The following RELN variants were observed in gnomAD, a reference collection of about 807,000 sequenced individuals.
RELN encodes reelin.
Under a neutral mutation model 427.6 loss-of-function variants are expected in RELN, and 108 were observed. The ratio of observed to expected loss-of-function variants is 0.25; its 90% CI spans 0.22 to 0.30. The LOEUF (loss-of-function observed/expected upper bound fraction) is 0.30. RELN is among the 10% of genes least tolerant of loss of function. RELN has a pLI of 1.00. For missense variants in RELN, 3,715 were observed against 4,302.8 expected, an observed-to-expected ratio of 0.86 and a Z score of 3.82; for synonymous variants, 1,524 against 1,513.4, an observed-to-expected ratio of 1.01 and a Z score of -0.16.
chr7:103,672,849 C>T (rs1294391915), intron 11 of RELN, among the ~76,000 whole-genome samples: 2 of 152,022 alleles, frequency 1.3e-5, no homozygotes, highest in Non-Finnish European at 2.9e-5. Context: ...TATTATGTGC[C>T]ATGCTTTATG....
rs1584300778 is a variant in RELN, at chr7:103,565,559, A to AC, written c.4937-9_4937-8insG. On this transcript the variant is annotated splice_polypyrimidine_tract_variant and intron_variant, in intron 33 of 64. Transcript: ENST00000428762. ...CAGCATAACGAGGTTTTCCTGAAAA[A>AC]AAAAAATGTGTAATGGTAGCATATA... 5 of 1,612,460 alleles carry AC rather than the reference A, an allele frequency of 3.1e-6. No homozygotes were observed. In the East Asian group the frequency reaches 1.1e-4, roughly 36 times the overall value.
At chr7:103,533,087 G>A (rs777561083) in intron 46 of RELN, among the ~76,000 whole-genome samples, 20 of 152,180 alleles carry the variant, frequency 1.3e-4, no homozygotes, top group Admixed American at 3.9e-4. Flanking sequence ...ATGGTTTGAC[G>A]TCAATTTGTG....
chr7:103,947,993 A>G (rs1473856989), intron 1 of RELN, among the ~76,000 whole-genome samples: 1 of 152,220 alleles, frequency 6.6e-6, no homozygotes, highest in Non-Finnish European at 1.5e-5. Flanking sequence ...TACAACAAAG[A>G]AAAAGGTATA....
intron 27 of RELN, among the ~76,000 whole-genome samples, chr7:103,592,004 C>T (rs1404992536): frequency 6.6e-6 from 1 of 152,090 alleles, no homozygotes; most frequent in Non-Finnish European, 1.5e-5. Context: ...CACAGCTAAA[C>T]AAATTGAGAG....
At chr7:103,482,670 G>T in intron 63 of RELN, 1 of 643,754 alleles carries the variant, frequency 1.6e-6, no homozygotes, top group Non-Finnish European at 1.9e-6. Flanking sequence ...AGTTTTCTAA[G>T]GTACATTACA....
intron 8 of RELN, among the ~76,000 whole-genome samples, chr7:103,720,292 T>G (rs939505402): frequency 1.3e-5 from 2 of 151,988 alleles, no homozygotes; most frequent in African/African-American, 4.8e-5. Context: ...AATTTTTGTA[T>G]GAGGAACTTG....
intron 4 of RELN, among the ~76,000 whole-genome samples, chr7:103,763,113 A>C (rs1442281367): frequency 2.6e-5 from 4 of 152,328 alleles, no homozygotes; most frequent in African/African-American, 7.2e-5. Flanking sequence ...GACAGTGAGC[A>C]ATAAAGCAAA....
chr7:103,836,867 T>A (rs1793422877), intron 2 of RELN, among the ~76,000 whole-genome samples: 1 of 152,174 alleles, frequency 6.6e-6, no homozygotes, highest in South Asian at 2.1e-4. Flanking sequence ...TTTCTTTACT[T>A]CTTAAGCTCC....
chr7:103,711,013 C>G (rs2115847006), intron 8 of RELN, among the ~76,000 whole-genome samples: 1 of 152,278 alleles, frequency 6.6e-6, no homozygotes, highest in African/African-American at 2.4e-5. Context: ...CACTGTACTC[C>G]AGCCTGGCAA....
At chr7:103,807,758 C>A (rs557514973) in intron 3 of RELN, among the ~76,000 whole-genome samples, 4 of 152,238 alleles carry the variant, frequency 2.6e-5, no homozygotes, top group African/African-American at 9.6e-5. Context: ...TAAGGGCCTC[C>A]AGCTGCACCC....
intron 6 of RELN, among the ~76,000 whole-genome samples, chr7:103,734,543 G>A (rs929768272): frequency 2.0e-5 from 3 of 152,136 alleles, no homozygotes; most frequent in African/African-American, 7.2e-5. Context: ...ACCATTGAAA[G>A]CTTGAACTTA....
chr7:103,773,165 T>C (rs1791627930), intron 4 of RELN, among the ~76,000 whole-genome samples: 1 of 120,424 alleles, frequency 8.3e-6, no homozygotes, highest in Admixed American at 8.4e-5. Context: ...TCTTTCTTTC[T>C]TTTTCTTTCT....
chr7:103,724,208 ACTCT>A (rs760129041), intron 7 of RELN, among the ~76,000 whole-genome samples: 7 of 150,814 alleles, frequency 4.6e-5, no homozygotes, highest in Non-Finnish European at 8.9e-5. Context: ...TTTGAGACAG[ACTCT>A]CTCTCTGTTG....
chr7:103,527,114 A>T (rs1308247494), intron 46 of RELN, among the ~76,000 whole-genome samples: 1 of 152,120 alleles, frequency 6.6e-6, no homozygotes, highest in Non-Finnish European at 1.5e-5. Context: ...ATCTCTCCCT[A>T]CACTACCTCC....
chr7:103,643,716 G>A (rs928555134), intron 16 of RELN, among the ~76,000 whole-genome samples: 1 of 151,896 alleles, frequency 6.6e-6, no homozygotes, highest in Non-Finnish European at 1.5e-5. Context: ...AACCTTATAA[G>A]CCAGAAGAGA....
Position 103,561,989 on chromosome 7 carries a change from G to A in RELN, c.5211-36C>T, listed in dbSNP as rs1374284998. The A allele has an allele frequency of 2.5e-6, 4 of 1,589,370 alleles. No individual in the cohort carries two copies. The South Asian group carries it at 3.4e-5, about 13-fold the overall frequency. ...AAAAAAAAAAAAAAACACACCACTG[G>A]TTTGACAAGCAACCTTGAAAGCACA... On this transcript the variant is annotated intron_variant, in intron 34 of 64. Coordinates refer to ENST00000428762, the MANE Select transcript of RELN (RefSeq NM_005045.4).
Position 103,700,970 on chromosome 7 carries a change from C to A in RELN, c.842G>T (p.Ser281Ile). 4.3e-6 allele frequency: 7 copies of A among 1,612,312 alleles called. No individual in the cohort carries two copies. The highest frequency in any genetic ancestry group is 5.9e-6 in the Non-Finnish European group (7 of 1,178,502). ...ATTCTTGGCATATAACACGATGATG[C>A]TGGGGTCTGAATAACTAAAGCGACA... is the stretch of plus-strand genomic sequence containing the variant. Reference protein sequence around the residue: ...GSCRFSYSDPSIIVLYAKNNS... With the variant: ...GSCRFSYSDPIIIVLYAKNNS... The change falls in exon 9 of 65, where the codon AGC becomes ATC. Residue 281 changes from serine to isoleucine, a missense_variant. Physicochemically the swap from Ser to Ile is moderately radical, Grantham distance 142 (BLOSUM62 -2). Around this residue, in one of 4 missense-constraint regions of RELN, gnomAD observed 2,208 missense variants for 2,361.7 expected, o/e 0.93. Transcript: ENST00000428762.
At chr7:103,609,925 T>C (rs538868184) in intron 22 of RELN, among the ~76,000 whole-genome samples, 1 of 152,266 alleles carries the variant, frequency 6.6e-6, no homozygotes, top group East Asian at 1.9e-4. Flanking sequence ...ATTAAACCTT[T>C]TCATTATACT....
At chr7:103,862,409 T>C (rs1400159062) in intron 2 of RELN, among the ~76,000 whole-genome samples, 1 of 144,734 alleles carries the variant, frequency 6.9e-6, no homozygotes, top group African/African-American at 2.6e-5. Context: ...TATGCTTTTG[T>C]TCTATCTATC....
Sources: gnomAD v4.1 joint callset for allele counts (sites outside exome capture counted in the v4.1 genomes callset) on GRCh38, gnomAD v4.1.1 for gene constraint, gnomAD v4.1.1 regional missense constraint, MANE v1.5 for transcripts, NCBI Gene and HGNC (gene_info 2026-07-23, HGNC 2026-07-21) for gene names.